STMN4: variants seen among roughly 807,000 people sequenced by gnomAD.
STMN4 encodes stathmin 4.
Under a neutral mutation model 29.1 loss-of-function variants are expected in STMN4, and 12 were observed. The ratio of observed to expected loss-of-function variants is 0.41; its 90% CI spans 0.26 to 0.67. The LOEUF is 0.67. Ranked by LOEUF, STMN4 falls within the 30% of genes least tolerant of loss-of-function variation. The pLI is 0.30. For synonymous variants in STMN4, 114 were observed against 105.3 expected, an observed-to-expected ratio of 1.08 and a Z score of -0.51; for missense variants, 181 against 262.8, an observed-to-expected ratio of 0.69 and a Z score of 2.15.
At chr8:27,256,593 A>T (rs190943164) in intron 1 of STMN4, among the ~76,000 whole-genome samples, 172 of 150,238 alleles carry the variant, frequency 1.1e-3, no homozygotes, top group African/African-American at 4.2e-3. Flanking sequence ...ACATATATGT[A>T]CATTTGTACA....
chr8:27,238,832 G>A (rs559364026), intron 6 of STMN4, among the ~76,000 whole-genome samples: 92 of 152,350 alleles, frequency 6.0e-4, no homozygotes, highest in Middle Eastern at 3.4e-3. Flanking sequence ...GGATAGTGGC[G>A]AGAGGAAATG....
intron 2 of STMN4, among the ~76,000 whole-genome samples, chr8:27,242,824 C>G (rs1183235144): frequency 6.6e-6 from 1 of 152,184 alleles, no homozygotes; most frequent in Non-Finnish European, 1.5e-5. Context: ...GCTCTCCATC[C>G]CCCAACATCT....
rs764508091 is a variant in STMN4 at position 27,239,985 on chromosome 8, G to T, written c.577C>A (p.Arg193=). ...REAHLAAMLE[R]LQEKDKHAEE... is the part of the protein sequence containing the mutation. ...GGACCCCTCACCTTCTCTTGCAGCCGTTCCAACATGGCGGCGAGGTGGGCC... is the reference window on the plus strand; with the variant it reads ...GGACCCCTCACCTTCTCTTGCAGCCTTTCCAACATGGCGGCGAGGTGGGCC... The change falls in exon 6 of 7, where the codon CGG becomes AGG. Residue 193 remains arginine (R), a synonymous_variant. Transcript: ENST00000350889. 3.2e-5 allele frequency: 52 copies of T among 1,614,098 alleles called. No individual in the cohort carries two copies. Among genetic ancestry groups the T allele is most frequent in the Middle Eastern group, 1.6e-4 (1 of 6,084 alleles).
chr8:27,238,805 T>C (rs1801383203), intron 6 of STMN4, among the ~76,000 whole-genome samples: 2 of 152,226 alleles, frequency 1.3e-5, no homozygotes, highest in South Asian at 4.1e-4. Context: ...CCAGCTTGCC[T>C]CAGGGACTTG....
chr8:27,245,060 G>A (rs1281726703), intron 1 of STMN4, among the ~76,000 whole-genome samples: 2 of 152,220 alleles, frequency 1.3e-5, no homozygotes, highest in African/African-American at 4.8e-5. Context: ...ATGGGGCAGT[G>A]AACTCAGCTC....
chr8:27,243,517 C>T (rs565927684), intron 2 of STMN4, among the ~76,000 whole-genome samples, 194 bp downstream of exon 2: 31 of 151,996 alleles, frequency 2.0e-4, no homozygotes, highest in African/African-American at 5.1e-4. Context: ...TTCAACTTGT[C>T]GCCTGTGGTG....
At chr8:27,250,489 G>GGCTCTGCAGAT (rs1007131796) in intron 1 of STMN4, among the ~76,000 whole-genome samples, 7 of 152,182 alleles carry the variant, frequency 4.6e-5, no homozygotes, top group African/African-American at 1.7e-4. Flanking sequence ...AGCCTTTGGA[G>GGCTCTGCAGAT]GCTCTGCAGA....
At chr8:27,241,584 G>A (rs1801473368) in intron 4 of STMN4, 93 bp downstream of exon 4, 2 of 1,457,678 alleles carry the variant, frequency 1.4e-6, no homozygotes, top group Admixed American at 1.7e-5. Flanking sequence ...CGTCCGTGGT[G>A]ACAGGCAGGG....
At position 27,237,866 on chromosome 8, in the gene STMN4, C is replaced by T. The variant is rs114672102; in HGVS notation, c.592-961G>A. Among the ~76,000 whole-genome samples, 974 of 152,292 alleles carry T rather than the reference C, an allele frequency of 6.4e-3. 11 individuals are homozygous for T. The highest frequency in any genetic ancestry group is 0.022 in the African/African-American group (913 of 41,558). Reference sequence around the variant, plus strand: ...CTCTATTAGACAGTTCTCTATTAGACGGTGACTTTCCTGTGGGTAGGGACC... The same window carrying T: ...CTCTATTAGACAGTTCTCTATTAGATGGTGACTTTCCTGTGGGTAGGGACC... On this transcript the variant is annotated intron_variant, in intron 6 of 6. Transcript: ENST00000350889.
At position 27,239,964 on chromosome 8, in the gene STMN4, C is replaced by A; in HGVS notation, c.591+7G>T. 1 of 1,614,220 alleles carries A rather than the reference C, an allele frequency of 6.2e-7. No homozygotes were observed. The highest frequency in any genetic ancestry group is 1.1e-5 in the South Asian group (1 of 91,076). On this transcript the variant is annotated splice_region_variant and intron_variant, in intron 6 of 6. Transcript: ENST00000350889. The stretch of plus-strand genomic sequence containing the variant: ...AGGAAACTCCTCTCTAGCCAGGGAC[C>A]CCTCACCTTCTCTTGCAGCCGTTCC...
Position 27,236,678 on chromosome 8 carries a change from G to T in STMN4, c.*168C>A. 1.9e-6 allele frequency: 1 copy of T among 519,602 alleles called. No homozygotes were observed. 32.2% of individuals were successfully genotyped at this position (519,602 alleles called of 1,614,324 possible). ...CGGAAACAAATAGGATGGCTTCACT[G>T]GTCAATTCTTAACATGTACAAACAC... On this transcript the variant is annotated 3_prime_UTR_variant, in exon 7 of 7. Coordinates refer to ENST00000350889, the MANE Select transcript of STMN4 (RefSeq NM_030795.4).
chr8:27,238,283 T>G lies in STMN4; in HGVS notation c.592-1378A>C, dbSNP rs1041392936. On this transcript the variant is annotated intron_variant, in intron 6 of 6. Transcript: ENST00000350889. ...ACACAAACACTGGCACAGCAGGCAT[T>G]GTTGAAGGTGTCCCTGGCCTGGTGC... Among the ~76,000 whole-genome samples, 6 of 152,286 alleles carry G rather than the reference T, an allele frequency of 3.9e-5. No individual in the cohort carries two copies. In the South Asian group the frequency reaches 1.2e-3, roughly 32 times the overall value.
chr8:27,257,459 A>AC (rs1801974736), intron 1 of STMN4, among the ~76,000 whole-genome samples: 1 of 137,722 alleles, frequency 7.3e-6, no homozygotes, highest in African/African-American at 2.6e-5. Context: ...CCCCCATACA[A>AC]ACACACACAC....
rs142071497 is a variant in STMN4, at chr8:27,239,489, G to A, written c.591+482C>T. On this transcript the variant is annotated intron_variant, in intron 6 of 6. Transcript: ENST00000350889. ...AAGGCAACATATTGGAAAGACCTGT[G>A]ACTCACTGGGTCTGTGTCAAGAGGT... is the stretch of plus-strand genomic sequence containing the variant. The A allele has an allele frequency of 2.9e-4, 199 of 677,778 alleles. No individual in the cohort carries two copies. The African/African-American group carries it at 3.0e-3, about 10-fold the overall frequency. The allele number at this position is 677,778 out of a possible 1,614,324, so 42.0% of individuals were successfully genotyped here. A position where few individuals can be genotyped will look rare whatever the true frequency, so the allele number is the denominator to read the frequency against.
At chr8:27,236,979 G>C in intron 6 of STMN4, 74 bp from the exon 7 acceptor site, 1 of 1,516,962 alleles carries the variant, frequency 6.6e-7, no homozygotes, top group Non-Finnish European at 8.9e-7. Flanking sequence ...CAAGGGGCAA[G>C]AGAACCAAAA....
chr8:27,245,820 G>A (rs1175749253), intron 1 of STMN4, among the ~76,000 whole-genome samples: 1 of 152,230 alleles, frequency 6.6e-6, no homozygotes, highest in East Asian at 1.9e-4. Context: ...TATGGAATGT[G>A]CCTCCAGCCC....
In STMN4 at chr8:27,236,770, G is replaced by T. The variant is rs753847821; in HGVS notation, c.*76C>A. On this transcript the variant is annotated 3_prime_UTR_variant, in exon 7 of 7. Transcript: ENST00000350889. ...AAACCCCAGTGCTGGGAGCGCAGCC[G>T]GCGGGCGAGGCTGCCTGGAACGTGG... 2 of 1,268,110 alleles carry T rather than the reference G, an allele frequency of 1.6e-6. No homozygotes were observed. Among genetic ancestry groups the T allele is most frequent in the African/African-American group, 1.5e-5 (1 of 65,966 alleles). The allele number at this position is 1,268,110 out of a possible 1,614,324, so 78.6% of individuals were successfully genotyped here.
rs970903310 is a variant in STMN4 at position 27,235,826 on chromosome 8, A to T, written c.*1020T>A. On this transcript the variant is annotated 3_prime_UTR_variant, in exon 7 of 7. Coordinates refer to ENST00000350889, the MANE Select transcript of STMN4 (RefSeq NM_030795.4). The stretch of plus-strand genomic sequence containing the variant: ...CAAAAAGGCATCATCTTTGAAGCAG[A>T]TGGCAAGCCCTCACCAGACACTGAA... 3 of 152,678 alleles carry T rather than the reference A, an allele frequency of 2.0e-5. No homozygotes were observed. Among genetic ancestry groups the T allele is most frequent in the African/African-American group, 7.2e-5 (3 of 41,466 alleles). The allele number at this position is 152,678 out of a possible 1,614,324, so 9.5% of individuals were successfully genotyped here. A position where few individuals can be genotyped will look rare whatever the true frequency, so the allele number is the denominator to read the frequency against.
At chr8:27,244,023 T>C (rs1586010210) in intron 1 of STMN4, among the ~76,000 whole-genome samples, 1 of 152,172 alleles carries the variant, frequency 6.6e-6, no homozygotes, top group East Asian at 1.9e-4. Flanking sequence ...TACTTCATAA[T>C]TGGCTTTCCA....
Sources: allele counts gnomAD v4.1 joint callset (sites outside exome capture counted in the v4.1 genomes callset), GRCh38; gene constraint gnomAD v4.1.1; transcripts MANE v1.5; gene names NCBI Gene and HGNC (gene_info 2026-07-23, HGNC 2026-07-21).